ENTREP1: variants seen among roughly 807,000 people sequenced by gnomAD.
ENTREP1 encodes Friedreich ataxia region gene X123.
chr9:69,385,938 G>T, the ENTREP1 span: 2 of 1,602,522 alleles, frequency 1.2e-6, no homozygotes, highest in Admixed American at 3.5e-5. Context: ...CCATCCTTCT[G>T]AGGAGAGAGG....
chr9:69,371,459 T>A, the ENTREP1 span: 24 of 1,278,798 alleles, frequency 1.9e-5, no homozygotes, highest in Non-Finnish European at 2.7e-5. Flanking sequence ...TGAATTTAGC[T>A]GTTATCTTTT....
the ENTREP1 span, among the ~76,000 whole-genome samples, chr9:69,346,120 T>A: frequency 2.0e-5 from 3 of 151,778 alleles, no homozygotes; most frequent in East Asian, 5.9e-4. Flanking sequence ...GTAGCTGGGA[T>A]TACAGGCACG....
the ENTREP1 span, among the ~76,000 whole-genome samples, chr9:69,356,494 C>CAT: frequency 0.8 from 120,802 of 151,840 alleles, 48,093 homozygotes; most frequent in South Asian, 0.89. Flanking sequence ...GTTGGGGAGT[C>CAT]ATGATCTGAT....
At chr9:69,370,374 T>A in the ENTREP1 span, among the ~76,000 whole-genome samples, 1 of 152,230 alleles carries the variant, frequency 6.6e-6, no homozygotes, top group Admixed American at 6.5e-5. Flanking sequence ...TCCAAGAAGC[T>A]GTGGCATAAT....
At chr9:69,351,390 G>C in the ENTREP1 span, among the ~76,000 whole-genome samples, 1 of 149,056 alleles carries the variant, frequency 6.7e-6, no homozygotes, top group Non-Finnish European at 1.5e-5. Flanking sequence ...TTATTTCCTT[G>C]ATGATGATGA....
the ENTREP1 span, among the ~76,000 whole-genome samples, chr9:69,330,808 G>GCTT: frequency 2.6e-5 from 4 of 152,214 alleles, no homozygotes; most frequent in South Asian, 8.3e-4. Context: ...TGGGTGGGAT[G>GCTT]CTTCTTCTTC....
chr9:69,363,913 G>T, the ENTREP1 span, among the ~76,000 whole-genome samples: 1 of 152,216 alleles, frequency 6.6e-6, no homozygotes. Flanking sequence ...CAGTGGTCCA[G>T]TGTAGAGTGA....
chr9:69,325,585 G>A, the ENTREP1 span: 7 of 1,223,686 alleles, frequency 5.7e-6, no homozygotes, highest in African/African-American at 1.1e-4. Context: ...CCGCGCTGCT[G>A]CCCGCCCGCC....
At chr9:69,356,218 A>G in the ENTREP1 span, among the ~76,000 whole-genome samples, 1 of 152,226 alleles carries the variant, frequency 6.6e-6, no homozygotes, top group Non-Finnish European at 1.5e-5. Context: ...GCATATAAGT[A>G]AGTGGAATCA....
At chr9:69,341,510 A>AT in the ENTREP1 span, among the ~76,000 whole-genome samples, 3 of 151,666 alleles carry the variant, frequency 2.0e-5, no homozygotes, top group African/African-American at 7.3e-5. Context: ...CTAAGAGTCC[A>AT]TATAGGCTAG....
chr9:69,383,790 A>G, the ENTREP1 span: 1 of 1,613,746 alleles, frequency 6.2e-7, no homozygotes, highest in Non-Finnish European at 8.5e-7. Flanking sequence ...CTCTAAGTAC[A>G]TTGACTGCAA....
chr9:69,338,312 C>T, the ENTREP1 span, among the ~76,000 whole-genome samples: 1 of 152,174 alleles, frequency 6.6e-6, no homozygotes, highest in South Asian at 2.1e-4. Context: ...TATTTGGTAA[C>T]AGGAATCTCC....
the ENTREP1 span, among the ~76,000 whole-genome samples, chr9:69,351,777 A>G: frequency 6.6e-6 from 1 of 152,202 alleles, no homozygotes; most frequent in Non-Finnish European, 1.5e-5. Flanking sequence ...TCTACAAATC[A>G]GATGTTGAAC....
At chr9:69,363,919 A>G in the ENTREP1 span, among the ~76,000 whole-genome samples, 1 of 151,286 alleles carries the variant, frequency 6.6e-6, no homozygotes, top group Non-Finnish European at 1.5e-5. Flanking sequence ...TCCAGTGTAG[A>G]GTGAGTTCCC....
At chr9:69,379,963 G>T in the ENTREP1 span, 1 of 152,154 alleles carries the variant, frequency 6.6e-6, no homozygotes, top group Non-Finnish European at 1.5e-5. Flanking sequence ...TGCATCCTCG[G>T]ATTTGTCTCT....
At chr9:69,388,938 T>C in the ENTREP1 span, among the ~76,000 whole-genome samples, 1 of 152,204 alleles carries the variant, frequency 6.6e-6, no homozygotes, top group Non-Finnish European at 1.5e-5. Context: ...AATAAGCACC[T>C]TTTCTTCTTG....
At chr9:69,391,115 T>C in the ENTREP1 span, among the ~76,000 whole-genome samples, 3 of 152,126 alleles carry the variant, frequency 2.0e-5, no homozygotes, top group African/African-American at 7.2e-5. Context: ...CATCACCTGG[T>C]CCCAATCCCA....
At chr9:69,358,926 C>T in the ENTREP1 span, among the ~76,000 whole-genome samples, 5 of 95,058 alleles carry the variant, frequency 5.3e-5, no homozygotes, top group East Asian at 3.1e-4. Context: ...TTTTTTGAGA[C>T]GGAGTCTTAC....
the ENTREP1 span, among the ~76,000 whole-genome samples, chr9:69,338,831 CT>C: frequency 6.6e-6 from 1 of 152,100 alleles, no homozygotes; most frequent in Non-Finnish European, 1.5e-5. Flanking sequence ...GACATTTGAG[CT>C]TCTGTATTTT....
Sources: gnomAD v4.1 joint callset for allele counts (sites outside exome capture counted in the v4.1 genomes callset) on GRCh38, gnomAD v4.1.1 for gene constraint, MANE v1.5 for transcripts, NCBI Gene and HGNC (gene_info 2026-07-23, HGNC 2026-07-21) for gene names.